Variants in CCDC171 observed in about 807,000 individuals in gnomAD.
CCDC171 encodes the protein coiled-coil domain-containing protein 171.
CCDC171 carries 177 observed loss-of-function variants against 168.2 expected under a neutral mutation model. The observed-to-expected ratio is 1.05, with a 90% CI of 0.93 to 1.19. The LOEUF (loss-of-function observed/expected upper bound fraction) is 1.19. CCDC171 is among the 50% of genes most tolerant of loss of function. CCDC171 has a pLI of 0.00. For missense variants in CCDC171, 1,991 were observed against 1,539.0 expected (o/e 1.29, Z -4.91); for synonymous variants, 687 against 540.8 (o/e 1.27, Z -3.75).
chr9:15,834,453 T>C (rs1016141951), intron 21 of CCDC171, among the ~76,000 whole-genome samples: 1 of 152,184 alleles, frequency 6.6e-6, no homozygotes, highest in Non-Finnish European at 1.5e-5. Context: ...TATTTGGAAG[T>C]TTAGTAATAT....
At chr9:15,795,261 G>A (rs963828096) in intron 21 of CCDC171, among the ~76,000 whole-genome samples, 5 of 151,962 alleles carry the variant, frequency 3.3e-5, no homozygotes, top group African/African-American at 7.3e-5. Flanking sequence ...CTATTTCATC[G>A]GTTAATTTAT....
chr9:15,857,576 C>T (rs190286508), intron 23 of CCDC171, among the ~76,000 whole-genome samples: 20 of 152,032 alleles, frequency 1.3e-4, no homozygotes, highest in Admixed American at 1.3e-3. Context: ...TAATACACCA[C>T]CATGACCGGC....
At chr9:15,699,808 T>C (rs776051402) in intron 11 of CCDC171, among the ~76,000 whole-genome samples, 12 of 152,022 alleles carry the variant, frequency 7.9e-5, no homozygotes, top group Non-Finnish European at 1.5e-4. Context: ...AGTAGCCAGA[T>C]ACAGAGTGAC....
chr9:16,006,995 AG>A (rs1286827931), intron 3 of CCDC171, among the ~76,000 whole-genome samples: 7 of 152,204 alleles, frequency 4.6e-5, no homozygotes, highest in African/African-American at 1.7e-4. Context: ...TAGATCCCTG[AG>A]GAATCGCCAC....
chr9:15,583,421 A>AG (rs1202165265), intron 4 of CCDC171, among the ~76,000 whole-genome samples: 2 of 151,894 alleles, frequency 1.3e-5, no homozygotes, highest in Non-Finnish European at 2.9e-5. Flanking sequence ...AAAAAAAAAA[A>AG]AAAAGAAAAT....
At chr9:15,990,014 A>G (rs1832133518) in intron 3 of CCDC171, among the ~76,000 whole-genome samples, 1 of 152,216 alleles carries the variant, frequency 6.6e-6, no homozygotes, top group Non-Finnish European at 1.5e-5. Context: ...GCAGGATATT[A>G]TCCAGGAGAA....
chr9:16,060,960 C>T (rs955042007), exon 2 of CCDC171: 1 of 152,232 alleles, frequency 6.6e-6, no homozygotes, highest in Non-Finnish European at 1.5e-5. Flanking sequence ...GGAAAGTCCC[C>T]TCCATCACAC....
At chr9:15,723,315 A>T (rs981789860) in intron 12 of CCDC171, among the ~76,000 whole-genome samples, 7 of 152,266 alleles carry the variant, frequency 4.6e-5, no homozygotes, top group African/African-American at 1.7e-4. Flanking sequence ...TTTTTTATTT[A>T]CTTATAGATG....
intron 1 of CCDC171, 98 bp from the exon 2 acceptor site, chr9:15,563,880 T>C (rs2039513175): frequency 3.9e-6 from 2 of 515,048 alleles, no homozygotes; most frequent in East Asian, 7.1e-5. Flanking sequence ...ATTTCACTTA[T>C]CAATTATTAC....
chr9:15,733,783 C>CT (rs2054302863), intron 16 of CCDC171, among the ~76,000 whole-genome samples: 2 of 151,878 alleles, frequency 1.3e-5, no homozygotes, highest in African/African-American at 2.4e-5. Context: ...ACTTTTTTCT[C>CT]TTTTTGAGAC....
chr9:15,939,538 A>T (rs972501616), intron 25 of CCDC171, among the ~76,000 whole-genome samples: 1 of 151,890 alleles, frequency 6.6e-6, no homozygotes, highest in Non-Finnish European at 1.5e-5. Flanking sequence ...ACAAAAGTGC[A>T]TGAAAAAGTA....
intron 21 of CCDC171, among the ~76,000 whole-genome samples, chr9:15,811,271 T>A (rs2059344720): frequency 1.3e-5 from 2 of 152,210 alleles, no homozygotes; most frequent in Non-Finnish European, 2.9e-5. Flanking sequence ...ACAACCCTTA[T>A]GTCAGTGAAG....
In CCDC171 at chr9:15,856,916, G is replaced by C. The variant is rs374107397; in HGVS notation, c.3468+7969G>C. Reference sequence around the variant, plus strand: ...TAATAGTCATCCTAATAGGTATGAGGTGATACCTCATTGTGGTTTTGATTT... The same window carrying C: ...TAATAGTCATCCTAATAGGTATGAGCTGATACCTCATTGTGGTTTTGATTT... On this transcript the variant is annotated intron_variant, in intron 23 of 25. Coordinates refer to ENST00000380701, the MANE Select transcript of CCDC171 (RefSeq NM_173550.4). 6.0e-4 allele frequency among the ~76,000 whole-genome samples: 91 copies of C among 152,068 alleles called. 2 individuals are homozygous for C. Among genetic ancestry groups the C allele is most frequent in the African/African-American group, 2.0e-3 (84 of 41,496 alleles).
At chr9:15,728,178 G>A in intron 15 of CCDC171, 142 bp downstream of exon 15, 1 of 661,658 alleles carries the variant, frequency 1.5e-6, no homozygotes, top group Non-Finnish European at 2.4e-6. Flanking sequence ...ATTATGGCTT[G>A]TCTACAACTC....
chr9:15,578,138 G>T (rs1357356749), intron 3 of CCDC171, among the ~76,000 whole-genome samples: 1 of 152,046 alleles, frequency 6.6e-6, no homozygotes, highest in Non-Finnish European at 1.5e-5. Flanking sequence ...GTTCCATTTA[G>T]GGAATAGAAG....
intron 6 of CCDC171, among the ~76,000 whole-genome samples, chr9:15,622,190 A>G (rs2044564454): frequency 1.3e-5 from 2 of 152,220 alleles, no homozygotes; most frequent in South Asian, 2.1e-4. Flanking sequence ...TTCTAGGCTT[A>G]GTACCTGGGT....
chr9:16,040,458 A>G (rs895447089), upstream of CCDC171, among the ~76,000 whole-genome samples: 3 of 152,138 alleles, frequency 2.0e-5, no homozygotes, highest in Non-Finnish European at 4.4e-5. Flanking sequence ...GGGACGGCCC[A>G]CCGCAGAGAG....
intron 25 of CCDC171, among the ~76,000 whole-genome samples, chr9:15,937,495 A>G (rs1827243830): frequency 6.6e-6 from 1 of 152,134 alleles, no homozygotes; most frequent in South Asian, 2.1e-4. Context: ...AAATATAACT[A>G]TGTATTGTAA....
At chr9:15,836,146 C>A (rs866478036) in intron 21 of CCDC171, among the ~76,000 whole-genome samples, 12 of 151,912 alleles carry the variant, frequency 7.9e-5, no homozygotes, top group Admixed American at 3.3e-4. Flanking sequence ...TATTAAATTG[C>A]CAAATGTAGA....
Sources: gnomAD v4.1 joint callset for allele counts (sites outside exome capture counted in the v4.1 genomes callset) on GRCh38, gnomAD v4.1.1 for gene constraint, MANE v1.5 for transcripts, NCBI Gene and HGNC (gene_info 2026-07-23, HGNC 2026-07-21) for gene names.